Variants in UGDH observed in about 807,000 individuals in gnomAD.
The protein encoded by UGDH is UDP-Glc dehydrogenase.
Under a neutral mutation model 50.6 loss-of-function variants are expected in UGDH, and 38 were observed. The observed-to-expected ratio is 0.75, with a 90% CI of 0.58 to 0.98. UGDH has a LOEUF of 0.98. UGDH is among the 50% of genes least tolerant of loss of function. UGDH has a pLI of 0.00. For synonymous variants in UGDH, 168 were observed against 199.9 expected (o/e 0.84, Z 1.35); for missense variants, 465 against 606.2 (o/e 0.77, Z 2.45).
At chr4:39,518,609 G>A (rs116803563) in intron 2 of UGDH, among the ~76,000 whole-genome samples, 4,359 of 148,852 alleles carry the variant, frequency 0.029, 102 homozygotes, top group African/African-American at 0.065. Context: ...GAGCCACCGC[G>A]GTTGGCCTTT....
chr4:39,513,531 C>CTTTTTTTTTTTTTTTTTTTTTTTTT (rs10707997), intron 3 of UGDH, among the ~76,000 whole-genome samples: 3 of 88,010 alleles, frequency 3.4e-5, no homozygotes, highest in Non-Finnish European at 6.4e-5. Flanking sequence ...TTTCCTAGTT[C>CTTTTTTTTTTTTTTTTTTTTTTTTT]TTTTTTTTTT....
At chr4:39,502,555 T>C (rs984899454) in intron 11 of UGDH, among the ~76,000 whole-genome samples, 3 of 152,246 alleles carry the variant, frequency 2.0e-5, no homozygotes, top group African/African-American at 7.2e-5. Context: ...CCTGGCATAT[T>C]TTTTTATTCT....
chr4:39,505,781 G>C, intron 7 of UGDH, 33 bp from the exon 8 acceptor site: 1 of 1,576,794 alleles, frequency 6.3e-7, no homozygotes, highest in Non-Finnish European at 8.6e-7. Flanking sequence ...GCAATGATTA[G>C]TTAAAAGAGG....
In UGDH at chr4:39,499,460, C is replaced by G. The variant is rs1481669694; in HGVS notation, c.*683G>C. 2 of 152,024 alleles carry G rather than the reference C, an allele frequency of 1.3e-5. No individual in the cohort carries two copies. Among genetic ancestry groups the G allele is most frequent in the Non-Finnish European group, 2.9e-5 (2 of 68,000 alleles). The allele number at this position is 152,024 out of a possible 1,614,324, so 9.4% of individuals were successfully genotyped here. On this transcript the variant is annotated 3_prime_UTR_variant, in exon 12 of 12. Coordinates refer to ENST00000316423, the MANE Select transcript of UGDH (RefSeq NM_003359.4). ...CTTTAATGACAAACAAACCAATAAC[C>G]AGGAGGAATGAAGACTGTCCTTCCC... is the stretch of plus-strand genomic sequence containing the variant.
At chr4:39,503,498 A>C (rs1745906704) in intron 11 of UGDH, among the ~76,000 whole-genome samples, 1 of 152,076 alleles carries the variant, frequency 6.6e-6, no homozygotes, top group Admixed American at 6.5e-5. Context: ...TTCTTTCTCT[A>C]CCTTTAGATC....
intron 10 of UGDH, 120 bp from the exon 11 acceptor site, chr4:39,504,105 G>A (rs576842955): frequency 1.0e-5 from 8 of 773,110 alleles, no homozygotes; most frequent in Non-Finnish European, 1.3e-5. Flanking sequence ...TCAGGAGATC[G>A]AGACCATCCT....
At chr4:39,509,550 G>A (rs902966249) in intron 6 of UGDH, among the ~76,000 whole-genome samples, 9 of 152,188 alleles carry the variant, frequency 5.9e-5, no homozygotes, top group African/African-American at 2.2e-4. Flanking sequence ...TGGCTTTGGC[G>A]TTAGAAACAT....
intron 2 of UGDH, among the ~76,000 whole-genome samples, chr4:39,516,010 T>A (rs551207057): frequency 7.9e-5 from 12 of 152,344 alleles, no homozygotes; most frequent in African/African-American, 2.6e-4. Context: ...TAGACTGTGA[T>A]AATTTCTAGC....
At chr4:39,521,581 T>C (rs1746664515) in intron 1 of UGDH, 62 bp from the exon 2 acceptor site, 1 of 1,310,906 alleles carries the variant, frequency 7.6e-7, no homozygotes, top group Non-Finnish European at 1.0e-6. Context: ...GAAATAATAT[T>C]GTACATTAAT....
At chr4:39,513,995 A>T (rs1273555886) in intron 3 of UGDH, 88 bp downstream of exon 3, 1 of 1,130,146 alleles carries the variant, frequency 8.8e-7, no homozygotes, top group East Asian at 2.4e-5. Context: ...TTGAGGCTTA[A>T]TACCAATGGA....
At position 39,521,446 on chromosome 4, in the gene UGDH, T is replaced by C. The variant is rs772663434; in HGVS notation, c.67A>G (p.Ile23Val). 6.2e-7 allele frequency: 1 copy of C among 1,613,186 alleles called. No homozygotes were observed. Among genetic ancestry groups the C allele is most frequent in the Admixed American group, 1.7e-5 (1 of 59,848 alleles). ...GYVGGPTCSV[I>V]AHMCPEIRVT... ...CTGATTTCAGGACACATATGAGCAA[T>C]GACACTACATGTGGGTCCTCCAACA... Residue 23 changes from isoleucine to valine, a missense_variant, in exon 2 of 12, where the codon ATT becomes GTT. Physicochemically the swap from Ile to Val is conservative, Grantham distance 29 (BLOSUM62 3). Coordinates refer to ENST00000316423, the MANE Select transcript of UGDH (RefSeq NM_003359.4).
chr4:39,509,535 T>C (rs1419932512), intron 6 of UGDH, among the ~76,000 whole-genome samples: 5 of 152,230 alleles, frequency 3.3e-5, no homozygotes, highest in Non-Finnish European at 7.3e-5. Flanking sequence ...CAGTAAGGAA[T>C]AATATGGCTT....
In UGDH at chr4:39,498,783, T is replaced by C. The variant is rs1255359370; in HGVS notation, c.*1360A>G. ...TTGTTGATGGAGAATGTTTTATTTA[T>C]GTAATTTTCATCTGTAGAGATGCTT... is the stretch of plus-strand genomic sequence containing the variant. On this transcript the variant is annotated 3_prime_UTR_variant, in exon 12 of 12. Coordinates refer to ENST00000316423, the MANE Select transcript of UGDH (RefSeq NM_003359.4). The C allele has an allele frequency of 6.6e-6, 1 of 152,224 alleles. No individual in the cohort carries two copies. Among genetic ancestry groups the C allele is most frequent in the African/African-American group, 2.4e-5 (1 of 41,464 alleles). The allele number at this position is 152,224 out of a possible 1,614,324, so 9.4% of individuals were successfully genotyped here.
At chr4:39,507,575 A>G (rs1330301191) in intron 7 of UGDH, among the ~76,000 whole-genome samples, 3 of 152,164 alleles carry the variant, frequency 2.0e-5, no homozygotes, top group African/African-American at 7.2e-5. Flanking sequence ...AAGTACAGGG[A>G]TTACAGGTGT....
intron 2 of UGDH, among the ~76,000 whole-genome samples, chr4:39,521,024 C>G (rs1000586805): frequency 2.0e-5 from 3 of 146,942 alleles, no homozygotes. Flanking sequence ...GAGCTGAGCT[C>G]GCGTCATTGC....
Position 39,521,413 on chromosome 4 carries a change from C to T in UGDH, c.100G>A (p.Val34Ile). The T allele has an allele frequency of 1.2e-6, 2 of 1,613,590 alleles. No individual in the cohort carries two copies. The highest frequency in any genetic ancestry group is 1.3e-5 in the African/African-American group (1 of 75,046). The change falls in exon 2 of 12, where the codon GTT becomes ATT. Residue 34 changes from valine (V) to isoleucine (I), a missense_variant. Physicochemically the swap from Val to Ile is conservative, Grantham distance 29 (BLOSUM62 3). Coordinates refer to ENST00000316423, the MANE Select transcript of UGDH (RefSeq NM_003359.4). Reference protein sequence around the residue: ...AHMCPEIRVTVVDVNESRINA... With the variant: ...AHMCPEIRVTIVDVNESRINA... ...ATTCTTGATTCATTGACATCAACAA[C>T]CGTTACCCTGATTTCAGGACACATA...
chr4:39,513,291 T>C (rs907936684), intron 3 of UGDH, among the ~76,000 whole-genome samples: 2 of 152,104 alleles, frequency 1.3e-5, no homozygotes, highest in Admixed American at 6.6e-5. Context: ...ATTATAAAGG[T>C]AGGACAGTTC....
chr4:39,515,132 C>A (rs1227314300), intron 2 of UGDH, among the ~76,000 whole-genome samples: 1 of 152,138 alleles, frequency 6.6e-6, no homozygotes, highest in African/African-American at 2.4e-5. Flanking sequence ...AGTTACCACG[C>A]CCTGCCTCAT....
At chr4:39,525,512 CTTTTTTT>C (rs559859570) in intron 1 of UGDH, among the ~76,000 whole-genome samples, 1 of 142,346 alleles carries the variant, frequency 7.0e-6, no homozygotes, top group Admixed American at 7.1e-5. Flanking sequence ...TTTTCTTTTT[CTTTTTTT>C]TTTTTGAGAC....
Sources: allele counts gnomAD v4.1 joint callset (sites outside exome capture counted in the v4.1 genomes callset), GRCh38; gene constraint gnomAD v4.1.1; transcripts MANE v1.5; gene names NCBI Gene and HGNC (gene_info 2026-07-23, HGNC 2026-07-21).